SLC30A6: variants seen among roughly 807,000 people sequenced by gnomAD.
The protein encoded by SLC30A6 is solute carrier family 30 member 6.
Under a neutral mutation model 63.0 loss-of-function variants are expected in SLC30A6, and 55 were observed. That is an observed-to-expected ratio of 0.87 (90% CI 0.70 to 1.09). The LOEUF (loss-of-function observed/expected upper bound fraction) is 1.09. Among genes scored for constraint, SLC30A6 ranks in the 50% least tolerant of loss-of-function variants. SLC30A6 has a pLI of 0.00. For missense variants in SLC30A6, 587 were observed against 549.2 expected (o/e 1.07, Z -0.69); for synonymous variants, 224 against 186.1 (o/e 1.20, Z -1.66).
intron 10 of SLC30A6, chr2:32,203,133 A>G (rs1164265050): frequency 6.2e-6 from 8 of 1,282,184 alleles, no homozygotes; most frequent in African/African-American, 2.9e-5. Flanking sequence ...TTTGGTGGCA[A>G]CCAACGTGGC....
rs1407353778 is a variant in SLC30A6 at position 32,222,140 on chromosome 2, T to C, written c.*1427T>C. The C allele has an allele frequency of 6.6e-6, 1 of 151,774 alleles. No homozygotes were observed. Among genetic ancestry groups the C allele is most frequent in the East Asian group, 1.9e-4 (1 of 5,202 alleles). 9.4% of individuals were successfully genotyped at this position (151,774 alleles called of 1,614,324 possible). ...ACTGTGATGAAATGTGAGAATTACA[T>C]AGATTATGTTATTTTTTAGTTGTTT... On this transcript the variant is annotated 3_prime_UTR_variant, in exon 14 of 14. Transcript: ENST00000282587.
chr2:32,188,992 T>A (rs1281537024), intron 5 of SLC30A6, among the ~76,000 whole-genome samples: 1 of 152,238 alleles, frequency 6.6e-6, no homozygotes, highest in Non-Finnish European at 1.5e-5. Context: ...TATATGAATA[T>A]GTCACAAATT....
In SLC30A6 at chr2:32,221,009, T is replaced by C; in HGVS notation, c.*296T>C. ...CTGCAGTGTGATGTGACCTTACCTT[T>C]ATAAGAGCCACTTGATGGAGTAGAT... On this transcript the variant is annotated 3_prime_UTR_variant, in exon 14 of 14. Transcript: ENST00000282587. 3.3e-6 allele frequency: 1 copy of C among 299,876 alleles called. No homozygotes were observed. The highest frequency in any genetic ancestry group is 6.3e-6 in the Non-Finnish European group (1 of 158,674). 18.6% of individuals were successfully genotyped at this position (299,876 alleles called of 1,614,324 possible). A position where few individuals can be genotyped will look rare whatever the true frequency, so the allele number is the denominator to read the frequency against.
intron 8 of SLC30A6, among the ~76,000 whole-genome samples, chr2:32,195,449 T>C (rs1460843141): frequency 6.6e-6 from 1 of 152,116 alleles, no homozygotes; most frequent in Non-Finnish European, 1.5e-5. Flanking sequence ...TTTTAATGTT[T>C]GCATAATATT....
chr2:32,184,671 A>G (rs1266440926), intron 5 of SLC30A6, among the ~76,000 whole-genome samples: 1 of 152,198 alleles, frequency 6.6e-6, no homozygotes, highest in Non-Finnish European at 1.5e-5. Context: ...AGGCTGAGAC[A>G]GGAGAATCGC....
intron 8 of SLC30A6, among the ~76,000 whole-genome samples, chr2:32,195,939 A>G (rs910121677): frequency 3.3e-5 from 5 of 152,154 alleles, no homozygotes; most frequent in African/African-American, 1.2e-4. Context: ...AGTCCCAGCT[A>G]CTCAGGAGGC....
intron 10 of SLC30A6, chr2:32,202,831 G>A (rs1394996867): frequency 6.1e-6 from 5 of 821,432 alleles, no homozygotes; most frequent in African/African-American, 1.7e-5. Flanking sequence ...GTGAAATCCA[G>A]ATACGAACAG....
At chr2:32,206,185 G>T (rs1181260024) in intron 11 of SLC30A6, among the ~76,000 whole-genome samples, 1 of 151,558 alleles carries the variant, frequency 6.6e-6, no homozygotes, top group Non-Finnish European at 1.5e-5. Flanking sequence ...GGTGGCTCAT[G>T]CCTGTAATCC....
rs1451593831 is a variant in SLC30A6 at position 32,222,921 on chromosome 2, A to G, written c.*2208A>G. The G allele has an allele frequency of 6.6e-6, 1 of 152,180 alleles. No individual in the cohort carries two copies. The highest frequency in any genetic ancestry group is 1.5e-5 in the Non-Finnish European group (1 of 68,076). 9.4% of individuals were successfully genotyped at this position (152,180 alleles called of 1,614,324 possible). A position where few individuals can be genotyped will look rare whatever the true frequency, so the allele number is the denominator to read the frequency against. ...AGGATTTTAAAGTGTTCAGGTACCA[A>G]ACACAGTTCTGTGTGAGGTTTTATG... On this transcript the variant is annotated 3_prime_UTR_variant, in exon 14 of 14. Coordinates refer to ENST00000282587, the MANE Select transcript of SLC30A6 (RefSeq NM_017964.5).
intron 10 of SLC30A6, chr2:32,203,661 C>T: frequency 1.3e-6 from 2 of 1,559,948 alleles, no homozygotes; most frequent in Non-Finnish European, 1.8e-6. Context: ...CTCAGATTAC[C>T]AGAATGTGCC....
chr2:32,197,229 TGTAATGTTATTCA>T, intron 8 of SLC30A6, 102 bp from the exon 9 acceptor site: 3 of 851,860 alleles, frequency 3.5e-6, no homozygotes, highest in South Asian at 3.5e-5. Flanking sequence ...CATGTTCTTT[TGTAATGTTATTCA>T]GTCACTGCCA....
intron 3 of SLC30A6, among the ~76,000 whole-genome samples, chr2:32,174,618 A>T (rs553232044): frequency 1.7e-5 from 2 of 116,398 alleles, no homozygotes; most frequent in South Asian, 5.9e-4. Context: ...CAGTGGTGTG[A>T]TCTTGGCCCA....
intron 7 of SLC30A6, among the ~76,000 whole-genome samples, chr2:32,193,614 C>T (rs1333560864): frequency 6.6e-6 from 1 of 152,086 alleles, no homozygotes; most frequent in Non-Finnish European, 1.5e-5. Flanking sequence ...AAAACAAATA[C>T]CATTGATATT....
At chr2:32,185,763 AG>A (rs1328293251) in intron 5 of SLC30A6, among the ~76,000 whole-genome samples, 1 of 152,186 alleles carries the variant, frequency 6.6e-6, no homozygotes, top group Non-Finnish European at 1.5e-5. Flanking sequence ...TCTGTCACCC[AG>A]GCTGGAGTGC....
intron 13 of SLC30A6, among the ~76,000 whole-genome samples, chr2:32,218,133 T>C (rs942216302): frequency 6.6e-6 from 1 of 152,046 alleles, no homozygotes; most frequent in Non-Finnish European, 1.5e-5. Flanking sequence ...AAAAACATAA[T>C]TTATGGACCG....
chr2:32,201,207 T>A (rs1684261264), intron 10 of SLC30A6, among the ~76,000 whole-genome samples: 1 of 152,224 alleles, frequency 6.6e-6, no homozygotes, highest in African/African-American at 2.4e-5. Flanking sequence ...GGATTGTGTC[T>A]CATTCACATT....
At chr2:32,205,429 AAAC>A (rs758719987) in intron 11 of SLC30A6, among the ~76,000 whole-genome samples, 1 of 152,082 alleles carries the variant, frequency 6.6e-6, no homozygotes, top group Non-Finnish European at 1.5e-5. Context: ...CAAAAAAACA[AAAC>A]AACATTTTTT....
At chr2:32,170,899 C>T (rs1681144564) in intron 1 of SLC30A6, among the ~76,000 whole-genome samples, 1 of 152,204 alleles carries the variant, frequency 6.6e-6, no homozygotes, top group Non-Finnish European at 1.5e-5. Context: ...AGCACAACCA[C>T]ATATATAGCT....
At position 32,221,808 on chromosome 2, in the gene SLC30A6, G is replaced by T. The variant is rs1324787833; in HGVS notation, c.*1095G>T. The T allele has an allele frequency of 1.3e-5, 2 of 152,144 alleles. No homozygotes were observed. Among genetic ancestry groups the T allele is most frequent in the African/African-American group, 2.4e-5 (1 of 41,450 alleles). The allele number at this position is 152,144 out of a possible 1,614,324, so 9.4% of individuals were successfully genotyped here. ...CAACTTTTGGTGATATGCAGTGAAA[G>T]AATCCCAATTTTCTATGTTACATTT... is the stretch of plus-strand genomic sequence containing the variant. On this transcript the variant is annotated 3_prime_UTR_variant, in exon 14 of 14. Transcript: ENST00000282587.
Sources: allele counts gnomAD v4.1 joint callset (sites outside exome capture counted in the v4.1 genomes callset), GRCh38; gene constraint gnomAD v4.1.1; transcripts MANE v1.5; gene names NCBI Gene and HGNC (gene_info 2026-07-23, HGNC 2026-07-21).